The following BOP1 variants were observed in gnomAD, a reference collection of about 807,000 sequenced individuals.
The protein encoded by BOP1 is BOP1 ribosomal biogenesis factor.
BOP1 carries 54 observed loss-of-function variants against 82.9 expected under a neutral mutation model. The observed-to-expected ratio is 0.65, with a 90% CI of 0.52 to 0.82. BOP1 has a LOEUF of 0.82. Among genes scored for constraint, BOP1 ranks in the 40% least tolerant of loss-of-function variants. The pLI, the probability that BOP1 is intolerant of heterozygous loss-of-function variation, is 0.00. For synonymous variants in BOP1, 566 were observed against 451.1 expected (o/e 1.25, Z -3.23); for missense variants, 1,170 against 1,072.0 (o/e 1.09, Z -1.28).
At chr8:144,268,924 C>T (rs948882176) in intron 3 of BOP1, among the ~76,000 whole-genome samples, 7 of 150,370 alleles carry the variant, frequency 4.7e-5, no homozygotes, top group East Asian at 2.0e-4. Flanking sequence ...AGGAGTGGAG[C>T]GAGCTGTGCT....
intron 3 of BOP1, among the ~76,000 whole-genome samples, chr8:144,274,173 GC>G (rs1845535777): frequency 6.6e-6 from 1 of 151,424 alleles, no homozygotes; most frequent in Non-Finnish European, 1.5e-5. Context: ...AGCTGAGATC[GC>G]CGCTCGCAGG....
intron 2 of BOP1, among the ~76,000 whole-genome samples, chr8:144,286,821 G>A (rs1362330520): frequency 6.6e-6 from 1 of 152,204 alleles, no homozygotes; most frequent in Non-Finnish European, 1.5e-5. Flanking sequence ...ACCCTGCATG[G>A]GGCAGCCAGT....
intron 3 of BOP1, among the ~76,000 whole-genome samples, chr8:144,270,506 G>A (rs1177968178): frequency 6.6e-6 from 1 of 152,168 alleles, no homozygotes; most frequent in Non-Finnish European, 1.5e-5. Context: ...GCCAGCCTCA[G>A]GCCTGGGCAG....
chr8:144,291,335 C>T lies in BOP1; in HGVS notation c.36G>A (p.Ala12=), dbSNP rs1554840191. ...AGSRGAGRTA[A]PSVRPEKRRS... ...GCCGCTTCTCCGGCCGCACGCTCGG[C>T]GCCGCCGTGCGCCCCGCACCCCGCG... The change falls in exon 1 of 16, where the codon GCG becomes GCA. Residue 12 remains alanine (A), a synonymous_variant. Coordinates refer to ENST00000569669, the MANE Select transcript of BOP1 (RefSeq NM_015201.5). The surrounding 1 kb of genome is among the most constrained non-coding windows in gnomAD (Gnocchi z 4.1). 6 of 1,409,810 alleles carry T rather than the reference C, an allele frequency of 4.3e-6. No individual in the cohort carries two copies. Among genetic ancestry groups the T allele is most frequent in the Middle Eastern group, 2.2e-4 (1 of 4,484 alleles). 87.3% of individuals were successfully genotyped at this position (1,409,810 alleles called of 1,614,324 possible). A position where few individuals can be genotyped will look rare whatever the true frequency, so the allele number is the denominator to read the frequency against.
At chr8:144,267,220 G>C (rs1242202173) in intron 3 of BOP1, 1 of 1,482,104 alleles carries the variant, frequency 6.7e-7, no homozygotes. Context: ...GGCCTCCAAC[G>C]CGCCCCTCAG....
At chr8:144,262,736 G>A (rs1451968055) in intron 13 of BOP1, 64 bp from the exon 14 acceptor site, 29 of 1,504,874 alleles carry the variant, frequency 1.9e-5, no homozygotes, top group Admixed American at 3.8e-5. Context: ...TGCCCTGCCC[G>A]TCACCTACAC....
In BOP1 at chr8:144,270,690, G is replaced by A. The variant is rs963337559; in HGVS notation, c.390+5534C>T. ...CCCCCAGGCCTGCGGCAGCCCACCC[G>A]AATCCACTCGTAGCTCACAGCCGCC... On this transcript the variant is annotated intron_variant, in intron 3 of 15. Coordinates refer to ENST00000569669, the MANE Select transcript of BOP1 (RefSeq NM_015201.5). Among the ~76,000 whole-genome samples, 86 of 152,200 alleles carry A rather than the reference G, an allele frequency of 5.7e-4. 1 individual carries two copies. The highest frequency in any genetic ancestry group is 1.9e-3 in the African/African-American group (78 of 41,536).
chr8:144,265,146 G>T, intron 3 of BOP1, 75 bp from the exon 4 acceptor site: 1 of 1,544,916 alleles, frequency 6.5e-7, no homozygotes, highest in Non-Finnish European at 8.8e-7. Context: ...CAGGGGAGCA[G>T]GTGAGGGGGT....
chr8:144,265,161 G>A (rs1414596694), intron 3 of BOP1, 90 bp from the exon 4 acceptor site: 25 of 1,480,374 alleles, frequency 1.7e-5, no homozygotes, highest in Non-Finnish European at 2.1e-5. Flanking sequence ...GGGGGTTGCA[G>A]GGGGAGTGCA....
intron 2 of BOP1, among the ~76,000 whole-genome samples, chr8:144,286,380 C>T (rs978178453): frequency 0.48 from 59,134 of 124,114 alleles, 13,763 homozygotes; most frequent in Admixed American, 0.59. Flanking sequence ...GCACAGGACA[C>T]GCGGGCAGGT....
chr8:144,276,403 A>C, intron 2 of BOP1, 99 bp from the exon 3 acceptor site: 1 of 1,353,538 alleles, frequency 7.4e-7, no homozygotes, highest in South Asian at 1.2e-5. Flanking sequence ...ATCTCTGAGC[A>C]GCTCCAGCCT....
intron 3 of BOP1, among the ~76,000 whole-genome samples, chr8:144,273,842 TCCAGGGGCTCCG>T (rs1845531461): frequency 1.3e-5 from 2 of 151,588 alleles, no homozygotes; most frequent in African/African-American, 2.4e-5. Flanking sequence ...CAGCGCCTCC[TCCAGGGGCTCCG>T]CCCGCCTCCC....
At chr8:144,284,799 G>C (rs892212511) in intron 2 of BOP1, among the ~76,000 whole-genome samples, 1 of 152,218 alleles carries the variant, frequency 6.6e-6, no homozygotes, top group African/African-American at 2.4e-5. Context: ...AGGCAGGGTC[G>C]TGTGCATGTC....
At chr8:144,289,960 A>C (rs1449944623) in intron 1 of BOP1, among the ~76,000 whole-genome samples, 1 of 152,238 alleles carries the variant, frequency 6.6e-6, no homozygotes, top group Non-Finnish European at 1.5e-5. Flanking sequence ...GAGCAGGACC[A>C]CAGCTGCCTC....
At chr8:144,289,058 G>A (rs1554839777) in intron 2 of BOP1, 37 bp downstream of exon 2, 3 of 1,609,466 alleles carry the variant, frequency 1.9e-6, no homozygotes. Flanking sequence ...ACCTGCACAT[G>A]GGGGACAGCC....
intron 3 of BOP1, among the ~76,000 whole-genome samples, chr8:144,271,082 G>A (rs1280508115): frequency 7.4e-5 from 2 of 27,140 alleles, no homozygotes; most frequent in Admixed American, 2.8e-4. Flanking sequence ...GGAGAGCCCC[G>A]GCCGGCCGGC....
intron 3 of BOP1, among the ~76,000 whole-genome samples, chr8:144,271,287 C>T (rs1405295426): frequency 6.6e-6 from 1 of 152,104 alleles, no homozygotes; most frequent in Non-Finnish European, 1.5e-5. Flanking sequence ...CAGATTGGAA[C>T]TGCAGGTATG....
rs60868806 is a variant in BOP1 at position 144,283,201 on chromosome 8, C to CAAAAAAAAAAAAAAAAAAAAAAA, written c.309+5871_309+5893dup. ...CGATAAGAGCAAAAAAACTCCATCT[C>CAAAAAAAAAAAAAAAAAAAAAAA]AAAAAAAAAAAAAAAAAAAAAAAAG... On this transcript the variant is annotated intron_variant, in intron 2 of 15. Coordinates refer to ENST00000569669, the MANE Select transcript of BOP1 (RefSeq NM_015201.5). Among the ~76,000 whole-genome samples the CAAAAAAAAAAAAAAAAAAAAAAA allele has an allele frequency of 9.6e-4, 52 of 54,328 alleles. 1 individual carries two copies. Among genetic ancestry groups the CAAAAAAAAAAAAAAAAAAAAAAA allele is most frequent in the African/African-American group, 1.8e-3 (13 of 7,358 alleles). 35.6% of individuals were successfully genotyped at this position (54,328 alleles called of 152,430 possible). A position where few individuals can be genotyped will look rare whatever the true frequency, so the allele number is the denominator to read the frequency against.
rs973171792 is a variant in BOP1, at chr8:144,264,098, G to A, written c.1023C>T (p.Ser341=). The A allele has an allele frequency of 1.2e-3, 1,993 of 1,610,466 alleles. 37 individuals carry two copies. In the African/African-American group the frequency reaches 0.023, roughly 19 times the overall value. The change falls in exon 8 of 16, where the codon AGC becomes AGT. Residue 341 remains serine, a synonymous_variant. Coordinates refer to ENST00000569669, the MANE Select transcript of BOP1 (RefSeq NM_015201.5). ...GGCTCGGGAACTTGCGTGGCAAAAAGCTCAGCTTCCTCTCGCCTGGCTCCT... is the reference window on the plus strand; with the variant it reads ...GGCTCGGGAACTTGCGTGGCAAAAAACTCAGCTTCCTCTCGCCTGGCTCCT... ...EQQEPGERKL[S]FLPRKFPSLR... is the part of the protein sequence containing the mutation.
Sources: allele counts gnomAD v4.1 joint callset (sites outside exome capture counted in the v4.1 genomes callset), GRCh38; gene constraint gnomAD v4.1.1; non-coding constraint Gnocchi (gnomAD v3.1); transcripts MANE v1.5; gene names NCBI Gene and HGNC (gene_info 2026-07-23, HGNC 2026-07-21).